HCN1: variants seen among roughly 807,000 people sequenced by gnomAD.
The protein encoded by HCN1 is potassium/sodium hyperpolarization-activated cyclic nucleotide-gated channel 1.
HCN1 carries 13 observed loss-of-function variants against 78.9 expected under a neutral mutation model. The ratio of observed to expected loss-of-function variants is 0.16; its 90% CI spans 0.11 to 0.26. The LOEUF is 0.26. Among genes scored for constraint, HCN1 ranks in the 10% least tolerant of loss-of-function variants. The pLI, the probability that HCN1 is intolerant of heterozygous loss-of-function variation, is 1.00. For synonymous variants in HCN1, 552 were observed against 455.5 expected, an observed-to-expected ratio of 1.21 and a Z score of -2.70; for missense variants, 810 against 1,154.3, an observed-to-expected ratio of 0.70 and a Z score of 4.32.
At chr5:45,634,480 C>A (rs1189708967) in intron 2 of HCN1, among the ~76,000 whole-genome samples, 1 of 152,096 alleles carries the variant, frequency 6.6e-6, no homozygotes, top group African/African-American at 2.4e-5. Context: ...TTACTCATAA[C>A]CTAGCAGTCA....
At chr5:45,289,154 A>T (rs1745324787) in intron 6 of HCN1, among the ~76,000 whole-genome samples, 1 of 152,072 alleles carries the variant, frequency 6.6e-6, no homozygotes. Context: ...TGGACATATT[A>T]ACTATTCTTT....
chr5:45,659,620 G>C (rs1292569636), intron 1 of HCN1, among the ~76,000 whole-genome samples: 2 of 145,838 alleles, frequency 1.4e-5, no homozygotes, highest in Admixed American at 6.9e-5. Flanking sequence ...GGAGCTGATG[G>C]AGCTGAAAAC....
chr5:45,430,528 G>A (rs992149899), intron 3 of HCN1, among the ~76,000 whole-genome samples: 5 of 151,888 alleles, frequency 3.3e-5, no homozygotes, highest in African/African-American at 1.2e-4. Context: ...CCACTTATAA[G>A]CGAGAATATG....
At chr5:45,494,224 A>G (rs1212265633) in intron 2 of HCN1, among the ~76,000 whole-genome samples, 1 of 152,072 alleles carries the variant, frequency 6.6e-6, no homozygotes, top group Non-Finnish European at 1.5e-5. Context: ...CCAACAATGT[A>G]AAAGTGTTCC....
chr5:45,340,019 A>C (rs1298244428), intron 5 of HCN1, among the ~76,000 whole-genome samples: 1 of 152,122 alleles, frequency 6.6e-6, no homozygotes, highest in Admixed American at 6.5e-5. Context: ...CCCAGGTTCA[A>C]GTGATTCTCC....
chr5:45,392,075 T>G (rs537276161), intron 4 of HCN1, among the ~76,000 whole-genome samples: 1 of 152,148 alleles, frequency 6.6e-6, no homozygotes, highest in Non-Finnish European at 1.5e-5. Context: ...AAATTTTTCT[T>G]GAAGAGCATA....
chr5:45,426,286 ATGGT>A (rs1740345487), intron 3 of HCN1, among the ~76,000 whole-genome samples: 1 of 152,184 alleles, frequency 6.6e-6, no homozygotes, highest in African/African-American at 2.4e-5. Flanking sequence ...GCTAATGTGA[ATGGT>A]TAGTCATGGA....
At chr5:45,312,096 G>T (rs1010133256) in intron 5 of HCN1, among the ~76,000 whole-genome samples, 1 of 152,146 alleles carries the variant, frequency 6.6e-6, no homozygotes, top group African/African-American at 2.4e-5. Context: ...AGATGTTTCT[G>T]GGATCCACCT....
chr5:45,270,167 A>G (rs1744933057), intron 6 of HCN1, among the ~76,000 whole-genome samples: 1 of 152,194 alleles, frequency 6.6e-6, no homozygotes, highest in Non-Finnish European at 1.5e-5. Context: ...ACACATTCAT[A>G]TACTCACACA....
At chr5:45,581,974 A>T (rs914495378) in intron 2 of HCN1, among the ~76,000 whole-genome samples, 5 of 152,064 alleles carry the variant, frequency 3.3e-5, no homozygotes, top group Admixed American at 1.3e-4. Context: ...AGCTTTGTTC[A>T]TTTGGCTTAG....
chr5:45,281,759 T>A (rs961284321), intron 6 of HCN1, among the ~76,000 whole-genome samples: 1 of 150,956 alleles, frequency 6.6e-6, no homozygotes, highest in Non-Finnish European at 1.5e-5. Context: ...GGGGGCTAAT[T>A]TTTTTTTGTA....
At chr5:45,306,665 A>T in intron 5 of HCN1, among the ~76,000 whole-genome samples, 1 of 152,122 alleles carries the variant, frequency 6.6e-6, no homozygotes, top group East Asian at 1.9e-4. Context: ...AGAATGAAGC[A>T]AAACTTTAAA....
intron 5 of HCN1, among the ~76,000 whole-genome samples, chr5:45,316,072 A>G (rs1354531267): frequency 1.3e-5 from 2 of 152,208 alleles, no homozygotes; most frequent in Non-Finnish European, 2.9e-5. Context: ...TTATGAGGCC[A>G]GCATCATCCT....
At chr5:45,447,997 CTA>C (rs1191695181) in intron 3 of HCN1, among the ~76,000 whole-genome samples, 37 of 151,780 alleles carry the variant, frequency 2.4e-4, no homozygotes, top group African/African-American at 8.0e-4. Flanking sequence ...TGATTCACTG[CTA>C]TATGTTTTTT....
Position 45,259,722 on chromosome 5 carries a change from A to G in HCN1, c.*2199T>C, listed in dbSNP as rs944869621. 6.6e-6 allele frequency: 1 copy of G among 152,380 alleles called. No homozygotes were observed. Among genetic ancestry groups the G allele is most frequent in the Admixed American group, 6.6e-5 (1 of 15,260 alleles). 9.4% of individuals were successfully genotyped at this position (152,380 alleles called of 1,614,324 possible). On this transcript the variant is annotated 3_prime_UTR_variant, in exon 8 of 8. Transcript: ENST00000303230. ...TATGTTTCCCAATAGTGCTCAAAAT[A>G]AAAAACCAAAAATTTATATATATAA...
chr5:45,656,819 A>G (rs186449802), intron 1 of HCN1, among the ~76,000 whole-genome samples: 8 of 152,228 alleles, frequency 5.3e-5, no homozygotes, highest in African/African-American at 1.4e-4. Flanking sequence ...AAAATAATCA[A>G]CCTCTACTTA....
chr5:45,549,578 T>C (rs1436405367), intron 2 of HCN1, among the ~76,000 whole-genome samples: 2 of 152,134 alleles, frequency 1.3e-5, no homozygotes, highest in African/African-American at 4.8e-5. Context: ...ATTCAGGACA[T>C]AGGCATGGGC....
At chr5:45,337,956 A>G (rs1746497988) in intron 5 of HCN1, among the ~76,000 whole-genome samples, 1 of 152,170 alleles carries the variant, frequency 6.6e-6, no homozygotes, top group South Asian at 2.1e-4. Flanking sequence ...GCTTTCAATA[A>G]AGTAGTGTTT....
chr5:45,373,085 AAAAT>A lies in HCN1; in HGVS notation c.1231-19843_1231-19840del, dbSNP rs951358332. On this transcript the variant is annotated intron_variant, in intron 4 of 7. Coordinates refer to ENST00000303230, the MANE Select transcript of HCN1 (RefSeq NM_021072.4). ...AAATATATGTAGTATATAATATATA[AAAAT>A]ATAATATATATAAAATACATATAGT... Among the ~76,000 whole-genome samples the A allele has an allele frequency of 8.9e-5, 12 of 134,920 alleles. 1 individual carries two copies. Among genetic ancestry groups the A allele is most frequent in the Admixed American group, 4.1e-4 (5 of 12,180 alleles). 88.5% of individuals were successfully genotyped at this position (134,920 alleles called of 152,430 possible).
Sources: gnomAD v4.1 joint callset for allele counts (sites outside exome capture counted in the v4.1 genomes callset) on GRCh38, gnomAD v4.1.1 for gene constraint, MANE v1.5 for transcripts, NCBI Gene and HGNC (gene_info 2026-07-23, HGNC 2026-07-21) for gene names.